The following NKAIN3 variants were observed in gnomAD, a reference collection of about 807,000 sequenced individuals.
The protein encoded by NKAIN3 is sodium/potassium transporting ATPase interacting 3, also known as sodium/potassium-transporting ATPase subunit beta-1-interacting protein 3.
A neutral mutation model predicts 30.2 loss-of-function variants in NKAIN3; 25 were observed. That is an observed-to-expected ratio of 0.83 (90% CI 0.60 to 1.16). NKAIN3 has a LOEUF of 1.16. Ranked by LOEUF, NKAIN3 falls within the 50% of genes most tolerant of loss-of-function variation. The pLI is 0.00. For missense variants in NKAIN3, 225 were observed against 254.1 expected (o/e 0.89, Z 0.78); for synonymous variants, 91 against 89.6 (o/e 1.02, Z -0.09).
chr8:62,645,963 G>C (rs191563330), intron 3 of NKAIN3, among the ~76,000 whole-genome samples: 9 of 152,040 alleles, frequency 5.9e-5, no homozygotes, highest in Admixed American at 2.0e-4. Flanking sequence ...AAATAATACT[G>C]CTCTCAAAAT....
intron 3 of NKAIN3, among the ~76,000 whole-genome samples, chr8:62,641,298 T>C (rs1005578879): frequency 1.3e-5 from 2 of 152,178 alleles, no homozygotes; most frequent in Non-Finnish European, 2.9e-5. Context: ...TTGCTTTGAT[T>C]TTTGTTCATA....
At chr8:62,752,602 AT>A (rs1301180247) in intron 4 of NKAIN3, among the ~76,000 whole-genome samples, 2 of 152,194 alleles carry the variant, frequency 1.3e-5, no homozygotes, top group African/African-American at 4.8e-5. Flanking sequence ...TCATGAAAAA[AT>A]ATCAGAATTA....
chr8:62,799,486 C>A (rs1194303741), intron 4 of NKAIN3, among the ~76,000 whole-genome samples: 1 of 152,182 alleles, frequency 6.6e-6, no homozygotes, highest in Non-Finnish European at 1.5e-5. Context: ...AAATCAAAAC[C>A]ACAATGTGAT....
intron 1 of NKAIN3, among the ~76,000 whole-genome samples, chr8:62,534,618 G>C (rs1808596355): frequency 2.6e-5 from 4 of 152,066 alleles, no homozygotes; most frequent in South Asian, 2.1e-4. Context: ...GGGCCTCAAT[G>C]GCTCGCTAAA....
chr8:62,675,901 A>G (rs1345694253), intron 3 of NKAIN3, among the ~76,000 whole-genome samples: 1 of 152,184 alleles, frequency 6.6e-6, no homozygotes, highest in Non-Finnish European at 1.5e-5. Flanking sequence ...GATTTATTTG[A>G]CATTGTTTTC....
intron 3 of NKAIN3, among the ~76,000 whole-genome samples, chr8:62,741,369 AGGAAG>A (rs1815871200): frequency 1.7e-5 from 1 of 58,416 alleles, no homozygotes; most frequent in Non-Finnish European, 3.6e-5. Flanking sequence ...GAAAGAAGGA[AGGAAG>A]GAAGGAAGGA....
chr8:62,758,007 G>C (rs901592102), intron 4 of NKAIN3, among the ~76,000 whole-genome samples: 1 of 152,140 alleles, frequency 6.6e-6, no homozygotes, highest in African/African-American at 2.4e-5. Context: ...GATATTCCTA[G>C]AAAGCTTGGA....
At chr8:62,299,105 C>A (rs1334488962) in intron 1 of NKAIN3, among the ~76,000 whole-genome samples, 5 of 151,924 alleles carry the variant, frequency 3.3e-5, no homozygotes, top group Non-Finnish European at 7.4e-5. Context: ...TAAATAAGCC[C>A]ATGCTTCTCA....
chr8:62,387,349 C>CA (rs5891851), intron 1 of NKAIN3, among the ~76,000 whole-genome samples: 6,917 of 142,390 alleles, frequency 0.049, 387 homozygotes, highest in African/African-American at 0.14. Context: ...AAAAATGTAG[C>CA]AAAAAAAAAA....
chr8:62,877,135 G>A (rs1240926525), intron 4 of NKAIN3, among the ~76,000 whole-genome samples: 1 of 152,264 alleles, frequency 6.6e-6, no homozygotes, highest in African/African-American at 2.4e-5. Context: ...AGCTCCCACA[G>A]TGTTGCACAT....
chr8:62,464,502 C>A (rs529712531), intron 1 of NKAIN3, among the ~76,000 whole-genome samples: 7 of 151,980 alleles, frequency 4.6e-5, no homozygotes, highest in Admixed American at 4.6e-4. Context: ...CTATGTGGGC[C>A]GTCTTTTTGT....
chr8:62,309,899 T>G (rs1341138483), intron 1 of NKAIN3, among the ~76,000 whole-genome samples: 1 of 150,364 alleles, frequency 6.7e-6, no homozygotes, highest in African/African-American at 2.5e-5. Flanking sequence ...GGAATATCCC[T>G]GAAACTCATC....
At chr8:62,404,355 T>A (rs551262039) in intron 1 of NKAIN3, among the ~76,000 whole-genome samples, 2 of 152,236 alleles carry the variant, frequency 1.3e-5, no homozygotes, top group African/African-American at 4.8e-5. Flanking sequence ...AGGGGAGGAA[T>A]GATATGGTTT....
Position 62,965,700 on chromosome 8 carries a change from A to C in NKAIN3, c.*293A>C. The C allele has an allele frequency of 2.0e-6, 2 of 983,648 alleles. No individual in the cohort carries two copies. The highest frequency in any genetic ancestry group is 2.4e-6 in the Non-Finnish European group (2 of 828,360). 60.9% of individuals were successfully genotyped at this position (983,648 alleles called of 1,614,324 possible). On this transcript the variant is annotated 3_prime_UTR_variant, in exon 7 of 7. Coordinates refer to ENST00000623646, the MANE Select transcript of NKAIN3 (RefSeq NM_001304533.3). ...TAATGTGAGGCATGCAAAATGAAAA[A>C]GCAAATCTGTGAAAACCTTCTACAG...
chr8:62,355,668 T>A (rs1287755016), intron 1 of NKAIN3, among the ~76,000 whole-genome samples: 1 of 152,214 alleles, frequency 6.6e-6, no homozygotes, highest in African/African-American at 2.4e-5. Flanking sequence ...CCATACATAC[T>A]TCAATCACAT....
chr8:62,543,664 T>C (rs1366111655), intron 1 of NKAIN3, among the ~76,000 whole-genome samples: 2 of 152,176 alleles, frequency 1.3e-5, no homozygotes, highest in African/African-American at 4.8e-5. Context: ...TTATCTGCTT[T>C]ATATGAGTTC....
intron 3 of NKAIN3, among the ~76,000 whole-genome samples, chr8:62,667,891 G>A (rs915984554): frequency 3.3e-5 from 5 of 152,044 alleles, no homozygotes; most frequent in African/African-American, 1.2e-4. Context: ...GTTCCTCCAG[G>A]AAACTCAGAT....
At chr8:62,625,419 C>T (rs1260496538) in intron 3 of NKAIN3, among the ~76,000 whole-genome samples, 1 of 152,110 alleles carries the variant, frequency 6.6e-6, no homozygotes, top group Admixed American at 6.6e-5. Flanking sequence ...TCCTCCCACT[C>T]AGGTTTTTTT....
rs1817476922 is a variant in NKAIN3 at position 62,785,194 on chromosome 8, A to G, written c.471+38065A>G. 2.0e-5 allele frequency among the ~76,000 whole-genome samples: 3 copies of G among 152,152 alleles called. No individual in the cohort carries two copies. The South Asian group carries it at 6.2e-4, about 31-fold the overall frequency. On this transcript the variant is annotated intron_variant, in intron 4 of 6. Coordinates refer to ENST00000623646, the MANE Select transcript of NKAIN3 (RefSeq NM_001304533.3). ...CAGCAACTTTACTCATAACAGCCAAACCATAATTATAACTCATTAATTTTC... is the reference window on the plus strand; with the variant it reads ...CAGCAACTTTACTCATAACAGCCAAGCCATAATTATAACTCATTAATTTTC...
Sources: allele counts gnomAD v4.1 joint callset (sites outside exome capture counted in the v4.1 genomes callset), GRCh38; gene constraint gnomAD v4.1.1; transcripts MANE v1.5; gene names NCBI Gene and HGNC (gene_info 2026-07-23, HGNC 2026-07-21).